Variants in SLC49A3 observed in about 807,000 individuals in gnomAD.
SLC49A3 encodes the protein solute carrier family 49 member 3, also known as solute carrier family 49 member A3.
A neutral mutation model predicts 43.8 loss-of-function variants in SLC49A3; 50 were observed. The observed-to-expected ratio is 1.14, with a 90% CI of 0.91 to 1.45. SLC49A3 has a LOEUF of 1.45. Ranked by LOEUF, SLC49A3 falls within the 40% of genes most tolerant of loss-of-function variation. The probability of loss-of-function intolerance (pLI) is 0.00; values close to 1 mark genes in which losing one functional copy is unlikely to be tolerated. For missense variants in SLC49A3, 906 were observed against 774.1 expected (o/e 1.17, Z -2.02); for synonymous variants, 413 against 352.0 (o/e 1.17, Z -1.94).
rs1390813657 is a variant in SLC49A3 at position 689,099 on chromosome 4, C to T, written c.29G>A (p.Gly10Glu). 3.4e-6 allele frequency: 5 copies of T among 1,467,022 alleles called. No homozygotes were observed. The South Asian group carries it at 4.0e-5, about 12-fold the overall frequency. 90.9% of individuals were successfully genotyped at this position (1,467,022 alleles called of 1,614,324 possible). A position where few individuals can be genotyped will look rare whatever the true frequency, so the allele number is the denominator to read the frequency against. MAGPTEAET[G>E]LAEPRALCAQ... is the part of the protein sequence containing the mutation. Reference sequence around the variant, plus strand: ...GCACAGGGCCCGGGGCTCGGCCAACCCCGTCTCGGCCTCCGTCGGCCCCGC... The same window carrying T: ...GCACAGGGCCCGGGGCTCGGCCAACTCCGTCTCGGCCTCCGTCGGCCCCGC... The change falls in exon 1 of 10, where the codon GGG becomes GAG. Residue 10 changes from glycine to glutamate, a missense_variant. Gly to Glu is a moderately conservative substitution (Grantham distance 98, BLOSUM62 -2). Transcript: ENST00000322224.
chr4:678,697 C>T (rs61746930), downstream of SLC49A3: 1,051 of 1,611,570 alleles, frequency 6.5e-4, 6 homozygotes, highest in African/African-American at 0.012. Context: ...GGGTGCCCTC[C>T]GGGCCCAGAG....
intron 9 of SLC49A3, 117 bp downstream of exon 9, chr4:682,664 C>T (rs922647711): frequency 1.9e-5 from 15 of 800,208 alleles, no homozygotes; most frequent in Non-Finnish European, 2.6e-5. Context: ...CTGCGTGGTG[C>T]TCACCTGTCC....
intron 7 of SLC49A3, 34 bp downstream of exon 7, chr4:683,575 C>T (rs1216764353): frequency 1.3e-6 from 2 of 1,589,724 alleles, no homozygotes; most frequent in South Asian, 1.1e-5. Flanking sequence ...CCACCCACCC[C>T]CACAGGGCAG....
Position 683,192 on chromosome 4 carries a change from G to C in SLC49A3, c.1151+18C>G, listed in dbSNP as rs761114015. ...GGGAGTATCTCTGGGGTTGCAGCAG[G>C]GGCAGATGGACACTCACCCCAGCAC... On this transcript the variant is annotated intron_variant, in intron 8 of 9. Coordinates refer to ENST00000322224, the MANE Select transcript of SLC49A3 (RefSeq NM_032219.4). 3 of 1,612,648 alleles carry C rather than the reference G, an allele frequency of 1.9e-6. No homozygotes were observed. The highest frequency in any genetic ancestry group is 2.5e-6 in the Non-Finnish European group (3 of 1,179,852).
At chr4:690,505 A>G (rs1455393515), upstream of SLC49A3, among the ~76,000 whole-genome samples, 4 of 152,018 alleles carry the variant, frequency 2.6e-5, no homozygotes, top group Non-Finnish European at 5.9e-5. Flanking sequence ...TCCAGTGCCA[A>G]TGTTGGCCTA....
downstream of SLC49A3, among the ~76,000 whole-genome samples, chr4:677,274 CTG>C (rs1358145766): frequency 6.6e-6 from 1 of 152,212 alleles, no homozygotes; most frequent in Non-Finnish European, 1.5e-5. Flanking sequence ...GATGCTGACT[CTG>C]TGGTGGCCTC....
intron 1 of SLC49A3, among the ~76,000 whole-genome samples, chr4:688,385 C>G (rs560792593): frequency 6.6e-6 from 1 of 152,156 alleles, no homozygotes; most frequent in East Asian, 1.9e-4. Context: ...TGACCATCCC[C>G]GTGACCTGGC....
chr4:681,201 T>G, downstream of SLC49A3: 1 of 1,558,560 alleles, frequency 6.4e-7, no homozygotes, highest in Non-Finnish European at 8.7e-7. Context: ...CGGGGTCAGC[T>G]GGGTGGAGGG....
chr4:683,953 G>A (rs1470024502), intron 6 of SLC49A3, among the ~76,000 whole-genome samples, 192 bp from the exon 7 acceptor site: 1 of 151,986 alleles, frequency 6.6e-6, no homozygotes, highest in East Asian at 1.9e-4. Flanking sequence ...CCCCACCCCA[G>A]AGCAAAGCAA....
chr4:691,116 C>G (rs1233379041), upstream of SLC49A3, among the ~76,000 whole-genome samples: 1 of 151,070 alleles, frequency 6.6e-6, no homozygotes, highest in African/African-American at 2.4e-5. Flanking sequence ...GAAACCCAGT[C>G]TCTAGTAAAA....
At position 683,196 on chromosome 4, in the gene SLC49A3, A is replaced by C; in HGVS notation, c.1151+14T>G. On this transcript the variant is annotated intron_variant, in intron 8 of 9. Transcript: ENST00000322224. Reference sequence around the variant, plus strand: ...GTATCTCTGGGGTTGCAGCAGGGGCAGATGGACACTCACCCCAGCACAAAG... The same window carrying C: ...GTATCTCTGGGGTTGCAGCAGGGGCCGATGGACACTCACCCCAGCACAAAG... The C allele has an allele frequency of 6.2e-7, 1 of 1,612,684 alleles. No individual in the cohort carries two copies. Among genetic ancestry groups the C allele is most frequent in the South Asian group, 1.1e-5 (1 of 91,086 alleles).
rs369769015 is a variant in SLC49A3 at position 685,802 on chromosome 4, C to T, written c.585+33G>A. ...CAGACGTGCATGCGCACACACCACA[C>T]AGACCAGGCACGGGCGTCTCATGAC... On this transcript the variant is annotated intron_variant, in intron 4 of 9. Coordinates refer to ENST00000322224, the MANE Select transcript of SLC49A3 (RefSeq NM_032219.4). This position sits in a 1 kb window ranked among gnomAD's most constrained non-coding sequence, Gnocchi z 4.3. The T allele has an allele frequency of 3.7e-5, 59 of 1,611,174 alleles. 1 individual carries two copies. Among genetic ancestry groups the T allele is most frequent in the Middle Eastern group, 1.6e-4 (1 of 6,076 alleles).
chr4:682,431 G>A, intron 9 of SLC49A3, 55 bp from the exon 10 acceptor site: 3 of 1,310,334 alleles, frequency 2.3e-6, no homozygotes, highest in Non-Finnish European at 2.0e-6. Context: ...CCACAGATGG[G>A]CAGAGCCCAA....
At chr4:684,413 C>G (rs780602287) in intron 6 of SLC49A3, 70 bp downstream of exon 6, 35 of 1,581,142 alleles carry the variant, frequency 2.2e-5, no homozygotes, top group Non-Finnish European at 2.4e-5. Context: ...ACCCTGGAGG[C>G]GGCGGTGACT....
downstream of SLC49A3, chr4:680,662 GTCAGCCACCA>G: frequency 1.3e-6 from 2 of 1,488,402 alleles, no homozygotes; most frequent in African/African-American, 1.4e-5. Context: ...AAAAGGGACA[GTCAGCCACCA>G]GATGCCACGC....
chr4:689,733 C>G (rs1192415716), upstream of SLC49A3, among the ~76,000 whole-genome samples: 1 of 152,238 alleles, frequency 6.6e-6, no homozygotes, highest in East Asian at 1.9e-4. Context: ...CCGCCACACA[C>G]GCACCGGATT....
At chr4:679,966 G>C (rs746332201), downstream of SLC49A3, 1 of 1,613,544 alleles carries the variant, frequency 6.2e-7, no homozygotes, top group African/African-American at 1.3e-5. Flanking sequence ...AAGAGGCCTC[G>C]GGGCCCATCA....
At chr4:681,645 G>T (rs1231943759), downstream of SLC49A3, among the ~76,000 whole-genome samples, 310 of 2,544 alleles carry the variant, frequency 0.12, 26 homozygotes, top group Middle Eastern at 0.5. Context: ...GCGCCGCCCC[G>T]CCCCCTCCAG....
intron 6 of SLC49A3, among the ~76,000 whole-genome samples, chr4:684,069 C>T (rs1237533258): frequency 6.6e-6 from 1 of 152,250 alleles, no homozygotes; most frequent in Non-Finnish European, 1.5e-5. Context: ...GAGCACTGAT[C>T]CCAGAAGGCA....
Sources: allele counts gnomAD v4.1 joint callset (sites outside exome capture counted in the v4.1 genomes callset), GRCh38; gene constraint gnomAD v4.1.1; non-coding constraint Gnocchi (gnomAD v3.1); transcripts MANE v1.5; gene names NCBI Gene and HGNC (gene_info 2026-07-23, HGNC 2026-07-21).